USP32: variants seen among roughly 807,000 people sequenced by gnomAD.
The protein encoded by USP32 is ubiquitin carboxyl-terminal hydrolase 32.
In USP32, 59 loss-of-function variants were observed where a neutral mutation model predicts 204.8. The ratio of observed to expected loss-of-function variants is 0.29; its 90% CI spans 0.23 to 0.36. The LOEUF is 0.36. Ranked by LOEUF, USP32 falls within the 10% of genes least tolerant of loss-of-function variation. The pLI is 1.00. For synonymous variants in USP32, 517 were observed against 678.4 expected (o/e 0.76, Z 3.70); for missense variants, 1,160 against 1,946.4 (o/e 0.60, Z 7.60).
At chr17:60,401,032 T>C (rs189939673) in intron 1 of USP32, among the ~76,000 whole-genome samples, 1 of 152,178 alleles carries the variant, frequency 6.6e-6, no homozygotes, top group Admixed American at 6.5e-5. Context: ...GGCATGTGCC[T>C]ATAGTCCCAG....
chr17:60,191,400 TAAAAAAAAAAAA>T (rs1158204624), intron 28 of USP32, among the ~76,000 whole-genome samples: 1 of 58,412 alleles, frequency 1.7e-5, no homozygotes. Context: ...AGACTCTGTT[TAAAAAAAAAAAA>T]AAAAAAAAAA....
intron 2 of USP32, among the ~76,000 whole-genome samples, chr17:60,332,779 A>G (rs1175519185): frequency 6.6e-6 from 1 of 152,208 alleles, no homozygotes; most frequent in Non-Finnish European, 1.5e-5. Flanking sequence ...ATTTTATATG[A>G]ATGTAATCTT....
At chr17:60,298,071 G>A (rs1017041032) in intron 3 of USP32, among the ~76,000 whole-genome samples, 1 of 152,122 alleles carries the variant, frequency 6.6e-6, no homozygotes, top group African/African-American at 2.4e-5. Context: ...TAACTGTAAT[G>A]CATTTAAATA....
At chr17:60,249,420 T>G in intron 11 of USP32, 1 of 319,050 alleles carries the variant, frequency 3.1e-6, no homozygotes, top group Non-Finnish European at 5.7e-6. Context: ...ACTATGGTGA[T>G]CCTGTTCCCT....
At chr17:60,386,054 CG>C (rs1385699631) in intron 1 of USP32, among the ~76,000 whole-genome samples, 8 of 151,670 alleles carry the variant, frequency 5.3e-5, no homozygotes, top group African/African-American at 1.9e-4. Context: ...AAGAAACAAA[CG>C]GAAAGAACAA....
At chr17:60,219,441 T>C in intron 16 of USP32, 3 of 473,900 alleles carry the variant, frequency 6.3e-6, no homozygotes, top group South Asian at 5.6e-5. Flanking sequence ...ACCCCTCATC[T>C]AGTCTTGTGC....
chr17:60,356,911 A>G (rs2089092385), intron 1 of USP32, among the ~76,000 whole-genome samples: 1 of 152,018 alleles, frequency 6.6e-6, no homozygotes, highest in African/African-American at 2.4e-5. Context: ...AAACATGCCT[A>G]ATGACTTCAA....
chr17:60,193,150 A>G (rs2084429040), intron 27 of USP32, among the ~76,000 whole-genome samples: 1 of 152,252 alleles, frequency 6.6e-6, no homozygotes, highest in African/African-American at 2.4e-5. Context: ...AAGGGTAGAC[A>G]TAAGACTGCC....
chr17:60,190,914 T>C (rs1266877845), intron 28 of USP32, among the ~76,000 whole-genome samples: 3 of 152,208 alleles, frequency 2.0e-5, no homozygotes, highest in Admixed American at 6.5e-5. Flanking sequence ...TACAAAGTAC[T>C]TGATAACCAC....
At chr17:60,222,346 A>T in intron 15 of USP32, 63 bp downstream of exon 15, 2 of 1,558,148 alleles carry the variant, frequency 1.3e-6, no homozygotes, top group Non-Finnish European at 1.7e-6. Flanking sequence ...TCACATAGAA[A>T]AAGTAACAGA....
chr17:60,270,990 C>T (rs573760794), intron 6 of USP32, among the ~76,000 whole-genome samples: 9 of 152,250 alleles, frequency 5.9e-5, no homozygotes, highest in Admixed American at 2.0e-4. Context: ...GAGGAAGAGA[C>T]GAGGTCATGT....
intron 9 of USP32, among the ~76,000 whole-genome samples, chr17:60,260,095 T>C (rs1197952458): frequency 6.6e-6 from 1 of 152,170 alleles, no homozygotes; most frequent in Non-Finnish European, 1.5e-5. Flanking sequence ...AACAAAAGAA[T>C]CTTTGACTTA....
intron 2 of USP32, among the ~76,000 whole-genome samples, chr17:60,333,557 G>GC (rs2088440583): frequency 6.6e-6 from 1 of 151,970 alleles, no homozygotes; most frequent in African/African-American, 2.4e-5. Context: ...CCAAGATTGT[G>GC]CCACTGCACT....
chr17:60,390,932 G>C lies in USP32; in HGVS notation c.58+950C>G, dbSNP rs1305497580. ...TGAAATCCCAGTCATGAAAAATTAA[G>C]ACATTCCGGCCATAAACTGTGCAAC... On this transcript the variant is annotated intron_variant, in intron 1 of 33. Coordinates refer to ENST00000300896, the MANE Select transcript of USP32 (RefSeq NM_032582.4). 2.0e-5 allele frequency among the ~76,000 whole-genome samples: 3 copies of C among 152,260 alleles called. No homozygotes were observed. In the East Asian group the frequency reaches 5.8e-4, roughly 29 times the overall value.
At chr17:60,251,263 T>C (rs1201822411) in intron 11 of USP32, among the ~76,000 whole-genome samples, 1 of 151,940 alleles carries the variant, frequency 6.6e-6, no homozygotes, top group Admixed American at 6.6e-5. Context: ...CTTAATAAAC[T>C]TGCCTTCACT....
At chr17:60,377,621 A>G (rs1176916572) in intron 1 of USP32, among the ~76,000 whole-genome samples, 1 of 152,210 alleles carries the variant, frequency 6.6e-6, no homozygotes, top group Non-Finnish European at 1.5e-5. Context: ...TTGCTAATAA[A>G]TATCCTCCTG....
At chr17:60,387,469 CTG>C (rs1417408587) in intron 1 of USP32, among the ~76,000 whole-genome samples, 5 of 152,220 alleles carry the variant, frequency 3.3e-5, no homozygotes, top group Admixed American at 6.5e-5. Flanking sequence ...CATACACACT[CTG>C]TATTTCCGTA....
chr17:60,186,571 G>A (rs2084255919), intron 29 of USP32, among the ~76,000 whole-genome samples: 1 of 152,196 alleles, frequency 6.6e-6, no homozygotes, highest in South Asian at 2.1e-4. Context: ...ATCTGAGATG[G>A]CAACAAAAGG....
intron 5 of USP32, among the ~76,000 whole-genome samples, chr17:60,286,311 C>T (rs188413358): frequency 4.6e-5 from 7 of 152,006 alleles, no homozygotes; most frequent in Admixed American, 2.0e-4. Context: ...AGGGTCTTTG[C>T]GGATGTAATG....
Sources: gnomAD v4.1 joint callset for allele counts (sites outside exome capture counted in the v4.1 genomes callset) on GRCh38, gnomAD v4.1.1 for gene constraint, MANE v1.5 for transcripts, NCBI Gene and HGNC (gene_info 2026-07-23, HGNC 2026-07-21) for gene names.